The following KIAA0586 variants were observed in gnomAD, a reference collection of about 807,000 sequenced individuals.
KIAA0586 encodes KIAA0586.
KIAA0586 carries 144 observed loss-of-function variants against 169.8 expected under a neutral mutation model. The observed-to-expected ratio is 0.85, with a 90% CI of 0.74 to 0.97. The LOEUF (loss-of-function observed/expected upper bound fraction) is 0.97. Ranked by LOEUF, KIAA0586 falls within the 50% of genes least tolerant of loss-of-function variation. The pLI, the probability that KIAA0586 is intolerant of heterozygous loss-of-function variation, is 0.00. For synonymous variants in KIAA0586, 625 were observed against 612.4 expected (o/e 1.02, Z -0.30); for missense variants, 1,854 against 1,823.0 (o/e 1.02, Z -0.31).
intron 15 of KIAA0586, 144 bp from the exon 16 acceptor site, chr14:58,467,591 C>T: frequency 1.7e-6 from 1 of 599,056 alleles, no homozygotes. Flanking sequence ...AGTATGTCGA[C>T]AGTGCTGATG....
intron 20 of KIAA0586, among the ~76,000 whole-genome samples, chr14:58,478,130 C>A (rs1474648389): frequency 6.6e-6 from 1 of 152,188 alleles, no homozygotes; most frequent in Non-Finnish European, 1.5e-5. Context: ...AGCAACTCTC[C>A]TGCCTTAGCC....
intron 30 of KIAA0586, among the ~76,000 whole-genome samples, chr14:58,543,125 A>C (rs2046758166): frequency 1.8e-5 from 2 of 108,224 alleles, no homozygotes; most frequent in South Asian, 7.1e-4. Context: ...AAACGAGATT[A>C]CGTCTCAAAA....
intron 29 of KIAA0586, among the ~76,000 whole-genome samples, chr14:58,527,347 A>G (rs945498310): frequency 1.3e-5 from 2 of 152,176 alleles, no homozygotes; most frequent in African/African-American, 4.8e-5. Flanking sequence ...TTCAGGAAAT[A>G]TAGAGCATAC....
At chr14:58,470,937 C>T (rs935770343) in intron 17 of KIAA0586, among the ~76,000 whole-genome samples, 14 of 151,976 alleles carry the variant, frequency 9.2e-5, no homozygotes, top group Non-Finnish European at 1.9e-4. Flanking sequence ...CTGCAACCTC[C>T]GCCTCCCGGG....
chr14:58,430,556 G>C, intron 2 of KIAA0586, 92 bp from the exon 3 acceptor site: 2 of 721,380 alleles, frequency 2.8e-6, no homozygotes, highest in Non-Finnish European at 4.7e-6. Context: ...TGCCCTCCCA[G>C]AACACAGTAG....
chr14:58,430,682 C>T lies in KIAA0586; in HGVS notation c.305C>T (p.Pro102Leu). Residue 102 changes from proline to leucine, a missense_variant, in exon 3 of 31, where the codon CCT becomes CTT. Coordinates refer to ENST00000652326, the MANE Select transcript of KIAA0586 (RefSeq NM_001329943.3). The stretch of plus-strand genomic sequence containing the variant: ...AAAGACGTTGCAGTGCAAGTGTTGC[C>T]TTTGGATAAAATAGAAGAGAACAAC... ...FSKDVAVQVL[P>L]LDKIEENNKQ... 6.2e-7 allele frequency: 1 copy of T among 1,604,938 alleles called. No individual in the cohort carries two copies. The highest frequency in any genetic ancestry group is 8.5e-7 in the Non-Finnish European group (1 of 1,174,668).
chr14:58,462,265 T>G (rs1778072876), intron 14 of KIAA0586, among the ~76,000 whole-genome samples: 1 of 65,316 alleles, frequency 1.5e-5, no homozygotes, highest in African/African-American at 5.6e-5. Context: ...TTTTTTTTTT[T>G]GAGACGGAGT....
In KIAA0586 at chr14:58,453,315, A is replaced by T. The variant is rs920142772; in HGVS notation, c.1130-35A>T. On this transcript the variant is annotated intron_variant, in intron 8 of 30. Coordinates refer to ENST00000652326, the MANE Select transcript of KIAA0586 (RefSeq NM_001329943.3). ...TTATATACAAGAGAAATGAATTAGT[A>T]TTTGGAAAATGATACTATATCTCTT... The T allele has an allele frequency of 3.6e-6, 4 of 1,104,408 alleles. No individual in the cohort carries two copies. In the African/African-American group the frequency reaches 6.6e-5, roughly 18 times the overall value. 68.4% of individuals were successfully genotyped at this position (1,104,408 alleles called of 1,614,324 possible). A position where few individuals can be genotyped will look rare whatever the true frequency, so the allele number is the denominator to read the frequency against.
chr14:58,438,859 TAGTG>T (rs1325007647), intron 4 of KIAA0586, among the ~76,000 whole-genome samples: 3 of 152,170 alleles, frequency 2.0e-5, no homozygotes, highest in Non-Finnish European at 4.4e-5. Flanking sequence ...TATATGTAGT[TAGTG>T]AGGAGTGCCT....
At chr14:58,490,455 G>A (rs1210644983) in intron 25 of KIAA0586, among the ~76,000 whole-genome samples, 1 of 152,080 alleles carries the variant, frequency 6.6e-6, no homozygotes, top group Admixed American at 6.6e-5. Flanking sequence ...CGTGGCTCTA[G>A]TAGTAAAAAA....
intron 6 of KIAA0586, among the ~76,000 whole-genome samples, chr14:58,447,441 A>ATATTTTATTT (rs142310844): frequency 0.071 from 9,209 of 130,252 alleles, 443 homozygotes; most frequent in African/African-American, 0.13. Context: ...CTCATTTCAG[A>ATATTTTATTT]TATTTTATTT....
In KIAA0586 at chr14:58,459,985, A is replaced by C. The variant is rs780461594; in HGVS notation, c.1799A>C (p.His600Pro). Residue 600 changes from histidine to proline, a missense_variant, in exon 13 of 31, where the codon CAT becomes CCT. Coordinates refer to ENST00000652326, the MANE Select transcript of KIAA0586 (RefSeq NM_001329943.3). ...AACAAATCTGTAATTCCAAGAAAAC[A>C]TTCTCAAAAGCAAATAGAAGAGCAT... ...TVNKSVIPRK[H>P]SQKQIEEHFR... 2.6e-6 allele frequency: 4 copies of C among 1,534,916 alleles called. No individual in the cohort carries two copies. In the South Asian group the frequency reaches 4.8e-5, roughly 18 times the overall value.
intron 29 of KIAA0586, among the ~76,000 whole-genome samples, chr14:58,531,309 A>G (rs1017089365): frequency 1.3e-5 from 2 of 150,950 alleles, no homozygotes; most frequent in African/African-American, 4.9e-5. Flanking sequence ...CCTGGGGGAC[A>G]GACCGAGACT....
chr14:58,451,436 A>T (rs924636039), intron 8 of KIAA0586, among the ~76,000 whole-genome samples: 2 of 151,854 alleles, frequency 1.3e-5, no homozygotes, highest in African/African-American at 4.8e-5. Context: ...TATGTTTCCC[A>T]GGCTGGTCAC....
Position 58,450,582 on chromosome 14 carries a change from C to T in KIAA0586, c.965C>T (p.Pro322Leu). 6.3e-7 allele frequency: 1 copy of T among 1,596,046 alleles called. No individual in the cohort carries two copies. The highest frequency in any genetic ancestry group is 8.5e-7 in the Non-Finnish European group (1 of 1,172,984). ...TTTAAAAAATTTTCTGTTAAAGCACCTTTAAAAGAAGTTGAAGATACGAGT... is the reference window on the plus strand; with the variant it reads ...TTTAAAAAATTTTCTGTTAAAGCACTTTTAAAAGAAGTTGAAGATACGAGT... Reference protein sequence around the residue: ...LYNTFASKQAPLKEVEDTSFD... With the variant: ...LYNTFASKQALLKEVEDTSFD... Residue 322 changes from proline (P) to leucine (L), a missense_variant, in exon 8 of 31, where the codon CCT becomes CTT. Pro to Leu is a moderately conservative substitution (Grantham distance 98). Coordinates refer to ENST00000652326, the MANE Select transcript of KIAA0586 (RefSeq NM_001329943.3).
Position 58,548,854 on chromosome 14 carries a change from C to G in KIAA0586, c.*922C>G, listed in dbSNP as rs538083090. On this transcript the variant is annotated 3_prime_UTR_variant, in exon 31 of 31. Coordinates refer to ENST00000652326, the MANE Select transcript of KIAA0586 (RefSeq NM_001329943.3). ...ATACATGTAGGTTCTAATCCCAATTCTGTAACTTCTTGCTTTGTGATAGGG... is the reference window on the plus strand; with the variant it reads ...ATACATGTAGGTTCTAATCCCAATTGTGTAACTTCTTGCTTTGTGATAGGG... 6.6e-6 allele frequency: 1 copy of G among 152,274 alleles called. No individual in the cohort carries two copies. The highest frequency in any genetic ancestry group is 2.4e-5 in the African/African-American group (1 of 41,554). The allele number at this position is 152,274 out of a possible 1,614,324, so 9.4% of individuals were successfully genotyped here. A position where few individuals can be genotyped will look rare whatever the true frequency, so the allele number is the denominator to read the frequency against.
At chr14:58,491,250 C>T (rs1261540597) in intron 25 of KIAA0586, among the ~76,000 whole-genome samples, 1 of 152,064 alleles carries the variant, frequency 6.6e-6, no homozygotes. Flanking sequence ...ACTTGTTTCT[C>T]TTTTTCTACA....
chr14:58,442,688 T>C lies in KIAA0586; in HGVS notation c.411-18T>C. Reference sequence around the variant, plus strand: ...ATGTAGTTTACTGAATACATTTTTATTGCTTTTTTATTTATAGAGCTCAAA... The same window carrying C: ...ATGTAGTTTACTGAATACATTTTTACTGCTTTTTTATTTATAGAGCTCAAA... On this transcript the variant is annotated intron_variant, in intron 4 of 30. Coordinates refer to ENST00000652326, the MANE Select transcript of KIAA0586 (RefSeq NM_001329943.3). 1 of 1,503,656 alleles carries C rather than the reference T, an allele frequency of 6.7e-7. No individual in the cohort carries two copies. Among genetic ancestry groups the C allele is most frequent in the Non-Finnish European group, 9.0e-7 (1 of 1,113,732 alleles). 93.1% of individuals were successfully genotyped at this position (1,503,656 alleles called of 1,614,324 possible).
chr14:58,534,571 T>C (rs2046170890), intron 29 of KIAA0586, among the ~76,000 whole-genome samples: 1 of 152,188 alleles, frequency 6.6e-6, no homozygotes, highest in Non-Finnish European at 1.5e-5. Context: ...TCCTAGATAG[T>C]AAGCCCTGTG....
Sources: allele counts gnomAD v4.1 joint callset (sites outside exome capture counted in the v4.1 genomes callset), GRCh38; gene constraint gnomAD v4.1.1; transcripts MANE v1.5; gene names NCBI Gene and HGNC (gene_info 2026-07-23, HGNC 2026-07-21).